COL11A1: variants seen among roughly 807,000 people sequenced by gnomAD.
The protein encoded by COL11A1 is collagen alpha-1(XI) chain.
Under a neutral mutation model 265.2 loss-of-function variants are expected in COL11A1, and 74 were observed. The observed-to-expected ratio is 0.28, with a 90% CI of 0.23 to 0.34. The LOEUF is 0.34. COL11A1 is among the 10% of genes least tolerant of loss of function. The pLI is 1.00. For synonymous variants in COL11A1, 816 were observed against 727.6 expected (o/e 1.12, Z -1.96); for missense variants, 2,165 against 2,263.6 (o/e 0.96, Z 0.88).
At chr1:102,958,036 A>G (rs1310407643) in intron 41 of COL11A1, among the ~76,000 whole-genome samples, 2 of 152,118 alleles carry the variant, frequency 1.3e-5, no homozygotes, top group African/African-American at 4.8e-5. Context: ...ATAACCACTG[A>G]ATACTCATCA....
chr1:102,984,245 A>C, intron 30 of COL11A1, 54 bp from the exon 31 acceptor site: 1 of 1,179,860 alleles, frequency 8.5e-7, no homozygotes, highest in South Asian at 1.4e-5. Flanking sequence ...AATTAAGCTT[A>C]AATAATGATT....
chr1:103,019,739 TC>T (rs1666854924), intron 9 of COL11A1, among the ~76,000 whole-genome samples: 2 of 86,466 alleles, frequency 2.3e-5, no homozygotes, highest in Admixed American at 1.7e-4. Context: ...CCCTCCCCCC[TC>T]CCCCCACCCC....
chr1:103,016,145 T>C (rs1405812190), intron 11 of COL11A1, among the ~76,000 whole-genome samples: 4 of 152,038 alleles, frequency 2.6e-5, no homozygotes, highest in Non-Finnish European at 5.9e-5. Context: ...AGGTTTAAGG[T>C]ATATTTTAGT....
At chr1:103,005,946 G>GT in intron 17 of COL11A1, 55 bp from the exon 18 acceptor site, 1 of 1,612,294 alleles carries the variant, frequency 6.2e-7, no homozygotes, top group Non-Finnish European at 8.5e-7. Context: ...TTCCAGTCTA[G>GT]ATATGTACTG....
At chr1:103,099,544 A>G (rs1674067584) in intron 1 of COL11A1, among the ~76,000 whole-genome samples, 1 of 151,128 alleles carries the variant, frequency 6.6e-6, no homozygotes. Context: ...CTAATCCCCA[A>G]TAGCATACCA....
chr1:102,975,285 G>C (rs942760542), intron 35 of COL11A1, among the ~76,000 whole-genome samples: 1 of 140,956 alleles, frequency 7.1e-6, no homozygotes, highest in Admixed American at 7.1e-5. Flanking sequence ...AAAAAAAACT[G>C]TTTTAAAACT....
chr1:102,934,412 A>G (rs1657928992), intron 46 of COL11A1, 37 bp downstream of exon 46: 10 of 1,442,138 alleles, frequency 6.9e-6, no homozygotes, highest in Non-Finnish European at 9.8e-6. Flanking sequence ...AGAAGTAGGT[A>G]GAAATGATGG....
chr1:102,952,940 C>T (rs1266727627), intron 41 of COL11A1, among the ~76,000 whole-genome samples: 3 of 152,168 alleles, frequency 2.0e-5, no homozygotes, highest in Admixed American at 1.3e-4. Context: ...ACCATTTAGA[C>T]ATTCAACTAA....
chr1:103,032,126 C>G (rs1298569747), intron 4 of COL11A1, among the ~76,000 whole-genome samples: 1 of 151,970 alleles, frequency 6.6e-6, no homozygotes, highest in African/African-American at 2.4e-5. Context: ...TACACTCAGG[C>G]CTAGAGTAAT....
intron 31 of COL11A1, among the ~76,000 whole-genome samples, chr1:102,983,504 G>A (rs912985219): frequency 6.6e-6 from 1 of 152,004 alleles, no homozygotes; most frequent in East Asian, 1.9e-4. Flanking sequence ...CAGTTAAGAA[G>A]GGAACAGAGA....
chr1:103,075,561 C>T (rs1359791444), intron 3 of COL11A1, among the ~76,000 whole-genome samples: 1 of 152,076 alleles, frequency 6.6e-6, no homozygotes, highest in Non-Finnish European at 1.5e-5. Flanking sequence ...ACATGGCCAG[C>T]CCTTTGGAAA....
chr1:102,882,324 C>A (rs545671505), intron 64 of COL11A1, among the ~76,000 whole-genome samples: 1 of 152,296 alleles, frequency 6.6e-6, no homozygotes, highest in South Asian at 2.1e-4. Flanking sequence ...TATAAGTCTT[C>A]ACAATAGGGA....
rs577025697 is a variant in COL11A1 at position 102,972,603 on chromosome 1, A to G, written c.2808+2227T>C. Among the ~76,000 whole-genome samples the G allele has an allele frequency of 8.5e-5, 13 of 152,286 alleles. No homozygotes were observed. The South Asian group carries it at 1.0e-3, about 12-fold the overall frequency. On this transcript the variant is annotated intron_variant, in intron 36 of 66. Transcript: ENST00000370096. The stretch of plus-strand genomic sequence containing the variant: ...ATGAAATAAGCAGACTAATTACCAA[A>G]TAATTTCACGGTATCTATGTAAAAG...
intron 54 of COL11A1, among the ~76,000 whole-genome samples, chr1:102,904,042 T>C (rs1444907520): frequency 6.6e-6 from 1 of 152,084 alleles, no homozygotes; most frequent in African/African-American, 2.4e-5. Flanking sequence ...TTGTATTTTT[T>C]TGTAGAGACA....
chr1:102,947,194 A>G (rs1235761723), intron 41 of COL11A1, among the ~76,000 whole-genome samples: 1 of 152,158 alleles, frequency 6.6e-6, no homozygotes, highest in Non-Finnish European at 1.5e-5. Flanking sequence ...ATGAAAAAAT[A>G]CATCAAAATT....
chr1:103,075,869 C>T (rs1286285474), intron 3 of COL11A1, among the ~76,000 whole-genome samples: 1 of 152,014 alleles, frequency 6.6e-6, no homozygotes, highest in South Asian at 2.1e-4. Flanking sequence ...CTAGAACATT[C>T]AACTGGCATA....
intron 2 of COL11A1, among the ~76,000 whole-genome samples, chr1:103,080,543 A>G (rs535852194): frequency 1.1e-4 from 17 of 152,052 alleles, no homozygotes; most frequent in Admixed American, 4.6e-4. Context: ...GAAGACATAC[A>G]AATGGCTAAC....
intron 58 of COL11A1, 33 bp from the exon 59 acceptor site, chr1:102,889,595 G>GAAGA (rs745485151): frequency 4.8e-5 from 68 of 1,419,474 alleles, no homozygotes; most frequent in Non-Finnish European, 6.7e-5. Context: ...ATAATAACAT[G>GAAGA]TACATTACTA....
At chr1:102,994,500 C>T (rs1254101017) in intron 28 of COL11A1, among the ~76,000 whole-genome samples, 5 of 152,086 alleles carry the variant, frequency 3.3e-5, no homozygotes, top group African/African-American at 9.7e-5. Context: ...TGAGGCCTTC[C>T]AAGAAGCAGA....
Sources: gnomAD v4.1 joint callset for allele counts (sites outside exome capture counted in the v4.1 genomes callset) on GRCh38, gnomAD v4.1.1 for gene constraint, MANE v1.5 for transcripts, NCBI Gene and HGNC (gene_info 2026-07-23, HGNC 2026-07-21) for gene names.